The following CEP295 variants were observed in gnomAD, a reference collection of about 807,000 sequenced individuals.
CEP295 encodes the protein centrosomal protein of 295 kDa.
Under a neutral mutation model 291.6 loss-of-function variants are expected in CEP295, and 190 were observed. That is an observed-to-expected ratio of 0.65 (90% CI 0.58 to 0.73). CEP295 has a LOEUF of 0.73. Among genes scored for constraint, CEP295 ranks in the 30% least tolerant of loss-of-function variants. CEP295 has a pLI of 0.00. For missense variants in CEP295, 2,863 were observed against 2,949.4 expected (o/e 0.97, Z 0.68); for synonymous variants, 993 against 1,038.8 (o/e 0.96, Z 0.85).
intron 10 of CEP295, among the ~76,000 whole-genome samples, chr11:93,688,521 A>G (rs552065700): frequency 6.6e-6 from 1 of 152,254 alleles, no homozygotes; most frequent in Admixed American, 6.5e-5. Flanking sequence ...CCTGAGTCCC[A>G]CAGGAAGCCT....
rs1024761700 is a variant in CEP295 at position 93,698,976 on chromosome 11, A to G, written c.4064A>G (p.Gln1355Arg). The G allele has an allele frequency of 2.6e-6, 4 of 1,550,528 alleles. No individual in the cohort carries two copies. The highest frequency in any genetic ancestry group is 3.5e-6 in the Non-Finnish European group (4 of 1,147,014). Residue 1355 changes from glutamine (Q) to arginine (R), a missense_variant, in exon 15 of 30, where the codon CAA becomes CGA. This residue lies in a region of CEP295 where 2,295 missense variants were observed against 2,335.7 expected (regional missense o/e 0.98). Coordinates refer to ENST00000325212, the MANE Select transcript of CEP295 (RefSeq NM_033395.2). ...QPQQDNLKALQEQLATQREAI... is the reference protein window; with the variant it reads ...QPQQDNLKALREQLATQREAI... ...CAACAAGATAATTTGAAGGCACTTC[A>G]AGAACAGTTAGCTACACAGAGAGAA...
At chr11:93,704,023 C>T (rs1952362728) in intron 17 of CEP295, among the ~76,000 whole-genome samples, 2 of 152,054 alleles carry the variant, frequency 1.3e-5, no homozygotes, top group Non-Finnish European at 2.9e-5. Flanking sequence ...CCCGCCTCGG[C>T]CTCCCAAAGT....
In CEP295 at chr11:93,722,060, T is replaced by G. The variant is rs1953772402; in HGVS notation, c.5947+10T>G. 1 of 1,478,960 alleles carries G rather than the reference T, an allele frequency of 6.8e-7. No individual in the cohort carries two copies. The highest frequency in any genetic ancestry group is 9.3e-7 in the Non-Finnish European group (1 of 1,081,008). 91.6% of individuals were successfully genotyped at this position (1,478,960 alleles called of 1,614,324 possible). A position where few individuals can be genotyped will look rare whatever the true frequency, so the allele number is the denominator to read the frequency against. ...AGCCTTACAGATCCAGGTAATAAGG[T>G]CAAAATGTTTATAAATAAGTTGAAA... On this transcript the variant is annotated intron_variant, in intron 20 of 29. Transcript: ENST00000325212.
chr11:93,691,540 C>A, intron 10 of CEP295, 143 bp from the exon 11 acceptor site: 1 of 589,460 alleles, frequency 1.7e-6, no homozygotes, highest in Non-Finnish European at 3.0e-6. Flanking sequence ...TATATCTGAT[C>A]ATCAGGAAGG....
intron 17 of CEP295, among the ~76,000 whole-genome samples, chr11:93,705,039 T>C (rs189406342): frequency 1.4e-3 from 209 of 152,322 alleles, no homozygotes; most frequent in African/African-American, 4.8e-3. Flanking sequence ...CTTTTTTTCA[T>C]GTAGTAAATT....
At chr11:93,686,410 C>T (rs1393872686) in intron 9 of CEP295, among the ~76,000 whole-genome samples, 1 of 152,056 alleles carries the variant, frequency 6.6e-6, no homozygotes, top group Non-Finnish European at 1.5e-5. Context: ...CAATGGAAGT[C>T]TTGCCCAATC....
chr11:93,726,201 G>A (rs1277176915), intron 23 of CEP295, among the ~76,000 whole-genome samples: 1 of 152,098 alleles, frequency 6.6e-6, no homozygotes, highest in African/African-American at 2.4e-5. Context: ...TGCAATCTTG[G>A]CTCACTGCAA....
At chr11:93,693,735 CAA>C (rs1951710061) in intron 12 of CEP295, among the ~76,000 whole-genome samples, 1 of 151,296 alleles carries the variant, frequency 6.6e-6, no homozygotes, top group Non-Finnish European at 1.5e-5. Context: ...GCCTGGGCGA[CAA>C]GAGCGAAACT....
At position 93,698,350 on chromosome 11, in the gene CEP295, G is replaced by A. The variant is rs1170746892; in HGVS notation, c.3438G>A (p.Gln1146=). 1.3e-6 allele frequency: 2 copies of A among 1,551,994 alleles called. No individual in the cohort carries two copies. Among genetic ancestry groups the A allele is most frequent in the Non-Finnish European group, 1.7e-6 (2 of 1,147,084 alleles). ...GTCATTTGATAATCCCAACATTTCA[G>A]GATAAGTCTCTTAGTTTTCCACAGC... ...PSCHLIIPTF[Q]DKSLSFPQHS... is the part of the protein sequence containing the mutation. The change falls in exon 15 of 30, where the codon CAG becomes CAA. Residue 1146 remains glutamine, a synonymous_variant. Coordinates refer to ENST00000325212, the MANE Select transcript of CEP295 (RefSeq NM_033395.2).
intron 18 of CEP295, 34 bp downstream of exon 18, chr11:93,706,931 C>T (rs1952548004): frequency 6.8e-7 from 1 of 1,475,718 alleles, no homozygotes; most frequent in Non-Finnish European, 9.1e-7. Flanking sequence ...ATTGTATGCA[C>T]AAGGATATGT....
chr11:93,729,836 T>A (rs1201941829), intron 27 of CEP295, 34 bp from the exon 28 acceptor site: 1 of 1,537,842 alleles, frequency 6.5e-7, no homozygotes, highest in South Asian at 1.2e-5. Context: ...TAAAGCCTTG[T>A]GTTTACAACT....
intron 5 of CEP295, among the ~76,000 whole-genome samples, chr11:93,671,413 A>G (rs544335296): frequency 3.3e-5 from 5 of 152,220 alleles, no homozygotes; most frequent in African/African-American, 1.2e-4. Context: ...AAATTTGGTC[A>G]GCAGGAGACT....
In CEP295 at chr11:93,697,633, G is replaced by C; in HGVS notation, c.2721G>C (p.Leu907Phe). 6.4e-7 allele frequency: 1 copy of C among 1,551,778 alleles called. No homozygotes were observed. Among genetic ancestry groups the C allele is most frequent in the Non-Finnish European group, 8.7e-7 (1 of 1,147,018 alleles). The change falls in exon 15 of 30, where the codon TTG becomes TTC. Residue 907 changes from leucine to phenylalanine, a missense_variant. Leu to Phe is a conservative substitution (Grantham distance 22). Coordinates refer to ENST00000325212, the MANE Select transcript of CEP295 (RefSeq NM_033395.2). ...TATTGCCTTCTGCCAAAGCAGATTT[G>C]GGGAGAATCCAGGAATCTTCACCAA... ...SALLPSAKAD[L>F]GRIQESSPTK...
intron 18 of CEP295, among the ~76,000 whole-genome samples, chr11:93,715,722 C>T (rs1041521406): frequency 6.6e-6 from 1 of 152,032 alleles, no homozygotes; most frequent in Non-Finnish European, 1.5e-5. Flanking sequence ...GGACTGGGTC[C>T]TTCCCTTGAA....
At chr11:93,710,156 A>T (rs1422558457) in intron 18 of CEP295, among the ~76,000 whole-genome samples, 2 of 152,166 alleles carry the variant, frequency 1.3e-5, no homozygotes, top group Non-Finnish European at 2.9e-5. Flanking sequence ...TAGGACTTCC[A>T]GTACCATTAA....
intron 17 of CEP295, among the ~76,000 whole-genome samples, chr11:93,703,235 A>T (rs933804908): frequency 2.0e-5 from 3 of 152,150 alleles, no homozygotes; most frequent in African/African-American, 7.2e-5. Context: ...ACGTGCTAGG[A>T]TTACAGGCGT....
At chr11:93,685,626 C>T (rs1227001404) in intron 9 of CEP295, among the ~76,000 whole-genome samples, 1 of 152,234 alleles carries the variant, frequency 6.6e-6, no homozygotes, top group East Asian at 1.9e-4. Flanking sequence ...ACTTGCCTTC[C>T]CTCCAAGCTT....
chr11:93,667,266 C>T (rs11020473), intron 2 of CEP295, among the ~76,000 whole-genome samples: 2 of 152,182 alleles, frequency 1.3e-5, no homozygotes, highest in African/African-American at 2.4e-5. Flanking sequence ...AAATGGAGTT[C>T]TCATCTGGCT....
intron 5 of CEP295, among the ~76,000 whole-genome samples, chr11:93,671,081 C>G (rs1442994104): frequency 6.6e-6 from 1 of 152,094 alleles, no homozygotes; most frequent in Non-Finnish European, 1.5e-5. Flanking sequence ...CGGGGTTTCA[C>G]CATGTTGGCC....
Sources: allele counts gnomAD v4.1 joint callset (sites outside exome capture counted in the v4.1 genomes callset), GRCh38; gene constraint gnomAD v4.1.1; regional missense constraint gnomAD v4.1.1; transcripts MANE v1.5; gene names NCBI Gene and HGNC (gene_info 2026-07-23, HGNC 2026-07-21).